C2orf76: variants seen among roughly 807,000 people sequenced by gnomAD.
C2orf76 encodes chromosome 2 open reading frame 76, also known as UPF0538 protein C2orf76.
Under a neutral mutation model 16.9 loss-of-function variants are expected in C2orf76, and 23 were observed. The observed-to-expected ratio is 1.36, with a 90% CI of 0.98 to 1.93. C2orf76 has a LOEUF of 1.93. Ranked by LOEUF, C2orf76 falls within the 30% of genes most tolerant of loss-of-function variation. C2orf76 has a pLI of 0.00. For synonymous variants in C2orf76, 48 were observed against 52.3 expected (o/e 0.92, Z 0.35); for missense variants, 152 against 152.6 (o/e 1.00, Z 0.02).
At chr2:119,321,648 T>A (rs527786532) in intron 2 of C2orf76, among the ~76,000 whole-genome samples, 2 of 152,236 alleles carry the variant, frequency 1.3e-5, no homozygotes, top group African/African-American at 4.8e-5. Flanking sequence ...CAGGTGGGGA[T>A]TATGGGAGCT....
the C2orf76 span, among the ~76,000 whole-genome samples, chr2:119,281,690 T>A: frequency 6.6e-6 from 1 of 152,116 alleles, no homozygotes; most frequent in East Asian, 1.9e-4. Context: ...CTTAAAGCAG[T>A]TACAACCTCA....
intron 5 of C2orf76, among the ~76,000 whole-genome samples, chr2:119,309,408 T>TTTTTTTTTTTTTTTTTTTG (rs1678910030): frequency 7.8e-6 from 1 of 128,674 alleles, no homozygotes; most frequent in Non-Finnish European, 1.6e-5. Flanking sequence ...CTTTTTTTTT[T>TTTTTTTTTTTTTTTTTTTG]TTTTTTTTTT....
intron 4 of C2orf76, among the ~76,000 whole-genome samples, chr2:119,315,145 C>T (rs746360026): frequency 3.1e-4 from 47 of 151,708 alleles, no homozygotes; most frequent in Non-Finnish European, 4.9e-4. Context: ...GAAATTATTC[C>T]GACTTTATAA....
At chr2:119,346,510 A>AT (rs1388156607) in intron 1 of C2orf76, among the ~76,000 whole-genome samples, 1 of 152,232 alleles carries the variant, frequency 6.6e-6, no homozygotes, top group Non-Finnish European at 1.5e-5. Flanking sequence ...TCTCAAGGGA[A>AT]TCAAGCTGAA....
At chr2:119,366,128 C>T (rs6756192) in intron 1 of C2orf76, among the ~76,000 whole-genome samples, 26,296 of 151,950 alleles carry the variant, frequency 0.17, 2,459 homozygotes, top group East Asian at 0.23. Context: ...CCCTAAAGTA[C>T]TCTATATTTA....
At chr2:119,342,167 T>C (rs930719855) in intron 1 of C2orf76, among the ~76,000 whole-genome samples, 3 of 151,940 alleles carry the variant, frequency 2.0e-5, no homozygotes, top group African/African-American at 7.3e-5. Flanking sequence ...TGACAAGCAA[T>C]AGAAATGAAT....
intron 1 of C2orf76, chr2:119,366,548 G>A (rs1681008162): frequency 2.1e-6 from 1 of 468,292 alleles, no homozygotes. Context: ...AGACCCCAAG[G>A]GAGGAGCGGG....
chr2:119,343,802 C>G (rs757307345), intron 1 of C2orf76, among the ~76,000 whole-genome samples: 56 of 152,124 alleles, frequency 3.7e-4, no homozygotes, highest in Non-Finnish European at 7.2e-4. Flanking sequence ...AACAAAAAAA[C>G]AAGTCGTTCC....
chr2:119,349,937 T>C (rs928405118), intron 1 of C2orf76, among the ~76,000 whole-genome samples: 6 of 152,092 alleles, frequency 3.9e-5, no homozygotes, highest in African/African-American at 1.4e-4. Flanking sequence ...TTTTTAAAAT[T>C]GTTAATTTTG....
intron 2 of C2orf76, among the ~76,000 whole-genome samples, chr2:119,337,576 C>T (rs1021311373): frequency 2.0e-5 from 3 of 152,080 alleles, no homozygotes; most frequent in African/African-American, 7.2e-5. Flanking sequence ...TTGTTATGTA[C>T]ACAATTCATA....
chr2:119,317,526 C>CT, intron 3 of C2orf76, 23 bp from the exon 4 acceptor site: 1 of 1,583,522 alleles, frequency 6.3e-7, no homozygotes, highest in South Asian at 1.1e-5. Flanking sequence ...AGCAAGTTAT[C>CT]TTTTTACACA....
intron 1 of C2orf76, among the ~76,000 whole-genome samples, chr2:119,342,573 C>T (rs1573666537): frequency 6.6e-6 from 1 of 151,504 alleles, no homozygotes; most frequent in East Asian, 2.0e-4. Flanking sequence ...GATCGTGCCA[C>T]TGCACTCCAG....
chr2:119,301,555 C>T (rs1678622778), downstream of C2orf76, among the ~76,000 whole-genome samples: 1 of 151,282 alleles, frequency 6.6e-6, no homozygotes, highest in South Asian at 2.1e-4. Context: ...GGAGCAATGG[C>T]AGAGCTGGCT....
At chr2:119,329,325 A>G (rs1679602343) in intron 2 of C2orf76, among the ~76,000 whole-genome samples, 1 of 152,204 alleles carries the variant, frequency 6.6e-6, no homozygotes, top group African/African-American at 2.4e-5. Flanking sequence ...TGATACTAAT[A>G]CAGTCCCTCC....
chr2:119,334,783 G>C (rs1573655259), intron 2 of C2orf76, among the ~76,000 whole-genome samples: 1 of 151,898 alleles, frequency 6.6e-6, no homozygotes, highest in East Asian at 1.9e-4. Flanking sequence ...TAATCTATCT[G>C]TACTACAAAT....
At chr2:119,340,634 C>T (rs1203380689) in intron 1 of C2orf76, among the ~76,000 whole-genome samples, 2 of 151,942 alleles carry the variant, frequency 1.3e-5, no homozygotes, top group Non-Finnish European at 2.9e-5. Flanking sequence ...AATGAGATAA[C>T]ATTTTAAAGA....
At chr2:119,363,925 G>A (rs995193898) in intron 1 of C2orf76, among the ~76,000 whole-genome samples, 8 of 152,050 alleles carry the variant, frequency 5.3e-5, no homozygotes, top group Non-Finnish European at 1.0e-4. Flanking sequence ...GGCTGAGGTG[G>A]GAGAATCATC....
intron 1 of C2orf76, among the ~76,000 whole-genome samples, chr2:119,362,526 T>C (rs529837053): frequency 1.3e-5 from 2 of 152,358 alleles, no homozygotes; most frequent in Admixed American, 1.3e-4. Context: ...TAGAAGACAA[T>C]GTAGATTTAG....
chr2:119,305,949 A>C (rs6733702), intron 5 of C2orf76, among the ~76,000 whole-genome samples: 21 of 151,998 alleles, frequency 1.4e-4, no homozygotes, highest in South Asian at 4.2e-4. Context: ...CAACAAAAAA[A>C]AAAAAAAACA....
Sources: gnomAD v4.1 joint callset for allele counts (sites outside exome capture counted in the v4.1 genomes callset) on GRCh38, gnomAD v4.1.1 for gene constraint, MANE v1.5 for transcripts, NCBI Gene and HGNC (gene_info 2026-07-23, HGNC 2026-07-21) for gene names.